SYN1: variants seen among roughly 807,000 people sequenced by gnomAD.
The protein encoded by SYN1 is synapsin-1.
In SYN1, 8 loss-of-function variants were observed where a neutral mutation model predicts 44.6. The observed-to-expected ratio is 0.18, with a 90% CI of 0.11 to 0.32. The LOEUF (loss-of-function observed/expected upper bound fraction) is 0.32. Among genes scored for constraint, SYN1 ranks in the 10% least tolerant of loss-of-function variants. The pLI, the probability that SYN1 is intolerant of heterozygous loss-of-function variation, is 1.00. For missense variants in SYN1, 451 were observed against 639.4 expected (o/e 0.71, Z 3.18); for synonymous variants, 275 against 280.1 (o/e 0.98, Z 0.18).
intron 6 of SYN1, 77 bp from the exon 7 acceptor site, chrX:47,576,717 T>C: frequency 3.4e-6 from 4 of 1,160,746 alleles, no homozygotes; most frequent in African/African-American, 1.8e-5. Context: ...TGGGGGAGCA[T>C]GTATACATGA....
rs138507243 is a variant in SYN1, at chrX:47,610,034, G to A, written c.378-2836C>T. 8.8e-3 allele frequency among the ~76,000 whole-genome samples: 982 copies of A among 111,827 alleles called. 26 individuals carry two copies. Among genetic ancestry groups the A allele is most frequent in the Admixed American group, 0.066 (697 of 10,516 alleles). ...GTGACTATTCCCTAAACGCCATTGA[G>A]TAGCTGAAGAAAGACCTGACATGCT... On this transcript the variant is annotated intron_variant, in intron 1 of 12. Transcript: ENST00000295987.
In SYN1 at chrX:47,606,396, G is replaced by T. The variant is rs188247796; in HGVS notation, c.527+549C>A. Among the ~76,000 whole-genome samples, 72 of 109,358 alleles carry T rather than the reference G, an allele frequency of 6.6e-4. No individual in the cohort carries two copies. In the South Asian group the frequency reaches 0.027, roughly 41 times the overall value. The allele number at this position is 109,358 out of a possible 115,157, so 95.0% of individuals were successfully genotyped here. A position where few individuals can be genotyped will look rare whatever the true frequency, so the allele number is the denominator to read the frequency against. On this transcript the variant is annotated intron_variant, in intron 3 of 12. Transcript: ENST00000295987. ...TATGAAGTCCTGAGAGCAGCATCTG[G>T]CATGCAGCAGATGTCTAGCAAATGT...
At position 47,615,722 on chromosome X, in the gene SYN1, T is replaced by C. The variant is rs190701842; in HGVS notation, c.377+3630A>G. On this transcript the variant is annotated intron_variant, in intron 1 of 12. Coordinates refer to ENST00000295987, the MANE Select transcript of SYN1 (RefSeq NM_006950.3). The stretch of plus-strand genomic sequence containing the variant: ...AAGTTTGAGACCAGCCTGACCAACA[T>C]GGTGAAACCCCATCTCTACGAAAAA... 5.4e-5 allele frequency among the ~76,000 whole-genome samples: 6 copies of C among 110,942 alleles called. No individual in the cohort carries two copies. In the South Asian group the frequency reaches 1.9e-3, roughly 35 times the overall value.
In SYN1 at chrX:47,572,638, G is replaced by A. The variant is rs1283874783; in HGVS notation, c.*226C>T. The A allele has an allele frequency of 2.4e-6, 1 of 413,630 alleles. No homozygotes were observed. Among genetic ancestry groups the A allele is most frequent in the African/African-American group, 2.5e-5 (1 of 39,471 alleles). 34.1% of individuals were successfully genotyped at this position (413,630 alleles called of 1,213,427 possible). ...CAGAAGTAGATCCTGAAGTGACCAC[G>A]AGTGGGGTTCTAAAAGGACTTGGGG... On this transcript the variant is annotated 3_prime_UTR_variant, in exon 13 of 13. Coordinates refer to ENST00000295987, the MANE Select transcript of SYN1 (RefSeq NM_006950.3).
chrX:47,586,042 A>T (rs955034308), intron 5 of SYN1: 1 of 972,007 alleles, frequency 1.0e-6, no homozygotes, highest in African/African-American at 2.0e-5. Flanking sequence ...TCCTCAGCAC[A>T]TCTGCTTGTT....
At position 47,584,824 on chromosome X, in the gene SYN1, A is replaced by G. The variant is rs2057815716; in HGVS notation, c.775-7323T>C. On this transcript the variant is annotated intron_variant, in intron 5 of 12. Coordinates refer to ENST00000295987, the MANE Select transcript of SYN1 (RefSeq NM_006950.3). ...CACTTTGTGTGCTGTCTGGCATCCA[A>G]TAACCCCTATTTATGTATGCGCTTT... is the stretch of plus-strand genomic sequence containing the variant. 8.2e-6 allele frequency: 5 copies of G among 608,111 alleles called. No individual in the cohort carries two copies. In the South Asian group the frequency reaches 1.1e-4, roughly 14 times the overall value. The allele number at this position is 608,111 out of a possible 1,213,427, so 50.1% of individuals were successfully genotyped here.
At chrX:47,589,620 G>A (rs187233848) in intron 5 of SYN1, among the ~76,000 whole-genome samples, 247 of 104,772 alleles carry the variant, frequency 2.4e-3, no homozygotes, top group Non-Finnish European at 2.9e-3. Flanking sequence ...AAAAAAAGCA[G>A]GAACCCTGGA....
At chrX:47,610,215 C>A (rs1441461409) in intron 1 of SYN1, among the ~76,000 whole-genome samples, 1 of 111,099 alleles carries the variant, frequency 9.0e-6, no homozygotes, top group African/African-American at 3.3e-5. Flanking sequence ...AAGTTGACTT[C>A]TCAGGCCCAG....
chrX:47,608,651 G>A (rs1366596431), intron 1 of SYN1, among the ~76,000 whole-genome samples: 1 of 109,854 alleles, frequency 9.1e-6, no homozygotes, highest in Non-Finnish European at 1.9e-5. Context: ...GAGGGGGAGT[G>A]GGAGCAGCAG....
Position 47,572,947 on chromosome X carries a change from T to C in SYN1, c.2035A>G (p.Arg679Gly). Residue 679 changes from arginine (R) to glycine (G), a missense_variant, in exon 13 of 13, where the codon AGG becomes GGG. Physicochemically the swap from Arg to Gly is moderately radical, Grantham distance 125. This residue lies in a region of SYN1 where 127 missense variants were observed against 154.8 expected (regional missense o/e 0.82). Coordinates refer to ENST00000295987, the MANE Select transcript of SYN1 (RefSeq NM_006950.3). ...AFNLPEPAPPRPSLSQDEVKA... is the reference protein window; with the variant it reads ...AFNLPEPAPPGPSLSQDEVKA... ...ACCTCGTCCTGGCTAAGGCTGGGCCTGGGCGGGGCTGGCTCTGGAAGGTTG... is the reference window on the plus strand; with the variant it reads ...ACCTCGTCCTGGCTAAGGCTGGGCCCGGGCGGGGCTGGCTCTGGAAGGTTG... 1 of 1,210,825 alleles carries C rather than the reference T, an allele frequency of 8.3e-7. No homozygotes were observed. Among genetic ancestry groups the C allele is most frequent in the East Asian group, 3.0e-5 (1 of 33,810 alleles).
rs1247856079 is a variant in SYN1 at position 47,571,996 on chromosome X, CAG to C, written c.*866_*867del. On this transcript the variant is annotated 3_prime_UTR_variant, in exon 13 of 13. Coordinates refer to ENST00000295987, the MANE Select transcript of SYN1 (RefSeq NM_006950.3). ...GTGAGTCCAGGCAAGGAGTGAAGGT[CAG>C]GGGGAGGTGCGGACCACATAAACAG... 2 of 146,039 alleles carry C rather than the reference CAG, an allele frequency of 1.4e-5. No homozygotes were observed. The highest frequency in any genetic ancestry group is 2.7e-5 in the Non-Finnish European group (2 of 74,691). The allele number at this position is 146,039 out of a possible 1,213,427, so 12.0% of individuals were successfully genotyped here. A position where few individuals can be genotyped will look rare whatever the true frequency, so the allele number is the denominator to read the frequency against.
At chrX:47,610,025 C>T (rs896197707) in intron 1 of SYN1, among the ~76,000 whole-genome samples, 5 of 111,531 alleles carry the variant, frequency 4.5e-5, no homozygotes, top group Non-Finnish European at 5.7e-5. Flanking sequence ...ATTCCCTAAA[C>T]GCCATTGAGT....
chrX:47,593,878 C>G (rs1373089133), intron 5 of SYN1, among the ~76,000 whole-genome samples: 2 of 112,051 alleles, frequency 1.8e-5, no homozygotes, highest in African/African-American at 6.5e-5. Flanking sequence ...TCTGTGGATG[C>G]CTTTTTTATA....
chrX:47,573,164 G>A (rs781503356), intron 12 of SYN1, among the ~76,000 whole-genome samples, 165 bp from the exon 13 acceptor site: 1 of 111,735 alleles, frequency 8.9e-6, no homozygotes, highest in East Asian at 2.8e-4. Context: ...GACCCTAACA[G>A]GTTCTCAAGG....
Position 47,599,100 on chromosome X carries a change from A to G in SYN1, c.774+5878T>C, listed in dbSNP as rs368577301. ...AAATAACAGAAAAATTAAAAATGGT[A>G]CACTAGAAAATATCTGTTTAACTTA... On this transcript the variant is annotated intron_variant, in intron 5 of 12. Transcript: ENST00000295987. 4.6e-4 allele frequency among the ~76,000 whole-genome samples: 51 copies of G among 111,928 alleles called. No homozygotes were observed. In the South Asian group the frequency reaches 0.018, roughly 39 times the overall value.
intron 5 of SYN1, among the ~76,000 whole-genome samples, chrX:47,593,048 GT>G (rs113437831): frequency 9.3e-6 from 1 of 107,329 alleles, no homozygotes; most frequent in African/African-American, 3.4e-5. Flanking sequence ...CTAATTTTGT[GT>G]TTTTTTTGTT....
intron 1 of SYN1, among the ~76,000 whole-genome samples, chrX:47,609,691 G>A (rs1386382259): frequency 8.9e-6 from 1 of 112,097 alleles, no homozygotes; most frequent in Non-Finnish European, 1.9e-5. Context: ...TGGGAGGTGG[G>A]GCATAGATAG....
chrX:47,607,281 T>C, intron 1 of SYN1, 83 bp from the exon 2 acceptor site: 1 of 899,891 alleles, frequency 1.1e-6, no homozygotes, highest in Non-Finnish European at 1.6e-6. Context: ...CTTTTGCCCC[T>C]TCAATGCTAC....
At chrX:47,575,994 T>C (rs2057776277) in intron 9 of SYN1, 137 bp downstream of exon 9, 2 of 629,623 alleles carry the variant, frequency 3.2e-6, no homozygotes, top group South Asian at 2.5e-5. Flanking sequence ...CCTTCGAAAG[T>C]TCGTCAGGCA....
Sources: gnomAD v4.1 joint callset for allele counts (sites outside exome capture counted in the v4.1 genomes callset) on GRCh38, gnomAD v4.1.1 for gene constraint, gnomAD v4.1.1 regional missense constraint, MANE v1.5 for transcripts, NCBI Gene and HGNC (gene_info 2026-07-23, HGNC 2026-07-21) for gene names.